Variants in RNF150 observed in about 807,000 individuals in gnomAD.
The protein encoded by RNF150 is ring finger protein 150.
A neutral mutation model predicts 39.3 loss-of-function variants in RNF150; 24 were observed. The observed-to-expected ratio is 0.61, with a 90% CI of 0.44 to 0.86. RNF150 has a LOEUF of 0.86. Among genes scored for constraint, RNF150 ranks in the 40% least tolerant of loss-of-function variants. The pLI is 0.00. For missense variants in RNF150, 502 were observed against 587.8 expected, an observed-to-expected ratio of 0.85 and a Z score of 1.51; for synonymous variants, 255 against 227.3, an observed-to-expected ratio of 1.12 and a Z score of -1.10.
chr4:140,944,878 A>G (rs189225588), intron 4 of RNF150: 3 of 152,332 alleles, frequency 2.0e-5, no homozygotes, highest in Admixed American at 6.5e-5. Flanking sequence ...CCCCAGAGAA[A>G]ATTATGTAGC....
chr4:140,916,137 C>T (rs925378798), intron 5 of RNF150, among the ~76,000 whole-genome samples: 3 of 152,178 alleles, frequency 2.0e-5, no homozygotes, highest in Non-Finnish European at 4.4e-5. Context: ...AATCAGAGCA[C>T]CTCTCCTCCT....
In RNF150 at chr4:140,900,541, A is replaced by G. The variant is rs1413503148; in HGVS notation, c.1198+10603T>C. Among the ~76,000 whole-genome samples, 6 of 152,350 alleles carry G rather than the reference A, an allele frequency of 3.9e-5. No individual in the cohort carries two copies. In the East Asian group the frequency reaches 9.6e-4, roughly 24 times the overall value. ...AAGCAAGCCATTCTGCTCAGGAACTAAAGTAGTTCTGGTAATTGAAGACGA... is the reference window on the plus strand; with the variant it reads ...AAGCAAGCCATTCTGCTCAGGAACTGAAGTAGTTCTGGTAATTGAAGACGA... On this transcript the variant is annotated intron_variant, in intron 6 of 6. Transcript: ENST00000515673.
intron 1 of RNF150, among the ~76,000 whole-genome samples, chr4:141,212,183 C>T (rs1326167960): frequency 6.6e-6 from 1 of 152,106 alleles, no homozygotes; most frequent in Non-Finnish European, 1.5e-5. Context: ...AAATAGTAGG[C>T]TAAACCATGA....
At chr4:140,912,493 T>G (rs1425441) in intron 5 of RNF150, among the ~76,000 whole-genome samples, 84,063 of 151,952 alleles carry the variant, frequency 0.55, 23,735 homozygotes, top group East Asian at 0.89. Flanking sequence ...ATTGAATTAA[T>G]ATCACAATGA....
chr4:140,871,943 A>C (rs1728963838), intron 6 of RNF150, among the ~76,000 whole-genome samples: 1 of 152,208 alleles, frequency 6.6e-6, no homozygotes, highest in Non-Finnish European at 1.5e-5. Flanking sequence ...AAAATAGAGA[A>C]ATTTACAAAA....
chr4:141,031,563 AC>A (rs1309218503), intron 1 of RNF150, among the ~76,000 whole-genome samples: 2 of 152,152 alleles, frequency 1.3e-5, no homozygotes, highest in East Asian at 3.8e-4. Flanking sequence ...ATAGGAAAAA[AC>A]CAAATTACTC....
chr4:141,023,545 C>G (rs1051468957), intron 1 of RNF150, among the ~76,000 whole-genome samples: 2 of 110,110 alleles, frequency 1.8e-5, no homozygotes, highest in African/African-American at 6.3e-5. Flanking sequence ...TGAGTCTCCG[C>G]ACCTGGCTGA....
chr4:141,199,415 A>G (rs1285624549), intron 1 of RNF150, among the ~76,000 whole-genome samples: 4 of 152,218 alleles, frequency 2.6e-5, no homozygotes, highest in Non-Finnish European at 5.9e-5. Context: ...ATGTTTATAC[A>G]TTGATTCACA....
chr4:141,172,352 C>T (rs181853909), intron 1 of RNF150, among the ~76,000 whole-genome samples: 33 of 152,280 alleles, frequency 2.2e-4, no homozygotes, highest in Admixed American at 2.0e-3. Context: ...GGAAGGCGCA[C>T]AGCTAAACCC....
chr4:141,079,046 T>A (rs2110973672), intron 1 of RNF150, among the ~76,000 whole-genome samples: 1 of 152,166 alleles, frequency 6.6e-6, no homozygotes, highest in South Asian at 2.1e-4. Flanking sequence ...ATTGTGCTAT[T>A]TACAGAAGAA....
intron 1 of RNF150, among the ~76,000 whole-genome samples, chr4:141,179,312 G>C (rs1249466505): frequency 5.9e-5 from 9 of 151,978 alleles, no homozygotes; most frequent in Non-Finnish European, 1.2e-4. Context: ...ACTTTCTATT[G>C]GCTTTATTCC....
chr4:141,073,442 T>G (rs1187047651), intron 1 of RNF150, among the ~76,000 whole-genome samples: 1 of 152,180 alleles, frequency 6.6e-6, no homozygotes, highest in African/African-American at 2.4e-5. Context: ...GCCTCAGTAT[T>G]TAAATTTTTA....
intron 1 of RNF150, among the ~76,000 whole-genome samples, chr4:141,210,802 G>A (rs777735482): frequency 3.3e-4 from 50 of 150,182 alleles, no homozygotes; most frequent in Non-Finnish European, 6.6e-4. Context: ...GAAGTGTCCA[G>A]CTAAAAAAAA....
intron 1 of RNF150, among the ~76,000 whole-genome samples, chr4:141,089,284 C>T (rs1738485702): frequency 6.6e-6 from 1 of 152,066 alleles, no homozygotes; most frequent in Non-Finnish European, 1.5e-5. Flanking sequence ...GGTAGGATTC[C>T]TACTACTATT....
At chr4:140,892,410 G>A (rs1159753186) in intron 6 of RNF150, among the ~76,000 whole-genome samples, 1 of 152,186 alleles carries the variant, frequency 6.6e-6, no homozygotes, top group Non-Finnish European at 1.5e-5. Flanking sequence ...CAACAACAAG[G>A]GAGGGGAAGG....
intron 2 of RNF150, among the ~76,000 whole-genome samples, chr4:140,952,354 G>A (rs1233316083): frequency 1.3e-5 from 2 of 152,130 alleles, no homozygotes; most frequent in Non-Finnish European, 2.9e-5. Flanking sequence ...TAGAAATAAT[G>A]TTTTCAAAAT....
At position 140,986,427 on chromosome 4, in the gene RNF150, A is replaced by G. The variant is rs115760994; in HGVS notation, c.485-18554T>C. Among the ~76,000 whole-genome samples, 509 of 152,242 alleles carry G rather than the reference A, an allele frequency of 3.3e-3. 4 individuals are homozygous for G. Among genetic ancestry groups the G allele is most frequent in the African/African-American group, 0.012 (482 of 41,582 alleles). On this transcript the variant is annotated intron_variant, in intron 1 of 6. Coordinates refer to ENST00000515673, the MANE Select transcript of RNF150 (RefSeq NM_020724.2). ...GAAAAGAAAAGCAATTCTCAAAGAT[A>G]TAATTTATATTCCCACTAGTAAAAT...
intron 1 of RNF150, among the ~76,000 whole-genome samples, chr4:141,010,930 C>T (rs760821282): frequency 5.9e-5 from 9 of 152,076 alleles, no homozygotes; most frequent in African/African-American, 9.7e-5. Context: ...TTTTCCAAAG[C>T]GCAGGCTCCC....
chr4:140,939,978 C>T (rs749139133), intron 4 of RNF150, among the ~76,000 whole-genome samples: 2 of 152,192 alleles, frequency 1.3e-5, no homozygotes, highest in Non-Finnish European at 2.9e-5. Context: ...TTGCAATAGT[C>T]TCCTCACTGG....
Sources: allele counts gnomAD v4.1 joint callset (sites outside exome capture counted in the v4.1 genomes callset), GRCh38; gene constraint gnomAD v4.1.1; transcripts MANE v1.5; gene names NCBI Gene and HGNC (gene_info 2026-07-23, HGNC 2026-07-21).